PRKCE: variants seen among roughly 807,000 people sequenced by gnomAD.
The protein encoded by PRKCE is protein kinase C epsilon.
PRKCE carries 16 observed loss-of-function variants against 85.4 expected under a neutral mutation model. The observed-to-expected ratio is 0.19, with a 90% CI of 0.13 to 0.28. The LOEUF (loss-of-function observed/expected upper bound fraction) is 0.28. Among genes scored for constraint, PRKCE ranks in the 10% least tolerant of loss-of-function variants. The pLI is 1.00. For synonymous variants in PRKCE, 388 were observed against 371.5 expected (o/e 1.04, Z -0.51); for missense variants, 573 against 975.2 (o/e 0.59, Z 5.49).
At chr2:46,016,725 T>C (rs1706185097) in intron 10 of PRKCE, among the ~76,000 whole-genome samples, 1 of 151,906 alleles carries the variant, frequency 6.6e-6, no homozygotes, top group South Asian at 2.1e-4. Context: ...CCTGACCAAT[T>C]TGATGATACC....
At chr2:45,785,933 G>A (rs1419104041) in intron 1 of PRKCE, among the ~76,000 whole-genome samples, 1 of 152,182 alleles carries the variant, frequency 6.6e-6, no homozygotes, top group Non-Finnish European at 1.5e-5. Flanking sequence ...ATGGCTCGTT[G>A]CCTTGAAACC....
chr2:45,786,210 C>T lies in PRKCE; in HGVS notation c.349-56790C>T, dbSNP rs1441036347. ...TATTTATCCCCCGTGCTGCTTCTTG[C>T]TCTCCGGTTTCCAGGGAGTGCTGGG... On this transcript the variant is annotated intron_variant, in intron 1 of 14. Coordinates refer to ENST00000306156, the MANE Select transcript of PRKCE (RefSeq NM_005400.3). The surrounding 1 kb of genome is among the most constrained non-coding windows in gnomAD (Gnocchi z 5.3). 6.6e-6 allele frequency among the ~76,000 whole-genome samples: 1 copy of T among 152,198 alleles called. No homozygotes were observed. The highest frequency in any genetic ancestry group is 2.4e-5 in the African/African-American group (1 of 41,452).
intron 2 of PRKCE, among the ~76,000 whole-genome samples, chr2:45,858,053 A>G (rs1015009189): frequency 6.6e-6 from 1 of 152,162 alleles, no homozygotes; most frequent in Non-Finnish European, 1.5e-5. Context: ...AAGGGATGAA[A>G]ATCAAGAACT....
At chr2:45,923,116 G>A (rs760500113) in intron 2 of PRKCE, among the ~76,000 whole-genome samples, 14 of 152,188 alleles carry the variant, frequency 9.2e-5, no homozygotes, top group Non-Finnish European at 1.6e-4. Context: ...TTTCCTTGGC[G>A]TGACTGTGTA....
intron 2 of PRKCE, among the ~76,000 whole-genome samples, chr2:45,845,041 G>A (rs1418349220): frequency 6.6e-6 from 1 of 150,456 alleles, no homozygotes; most frequent in African/African-American, 2.4e-5. Context: ...TTGCTCTGAA[G>A]AAAAGAAGAC....
intron 1 of PRKCE, among the ~76,000 whole-genome samples, chr2:45,835,393 G>C (rs553673855): frequency 6.6e-6 from 1 of 152,084 alleles, no homozygotes; most frequent in Non-Finnish European, 1.5e-5. Flanking sequence ...GAAAACTCCC[G>C]TCACCCAGGA....
chr2:45,698,717 C>T (rs1678361637), intron 1 of PRKCE, among the ~76,000 whole-genome samples: 1 of 152,070 alleles, frequency 6.6e-6, no homozygotes, highest in Non-Finnish European at 1.5e-5. Context: ...TTGCAAATGC[C>T]ATGTATCCTA....
chr2:46,003,276 G>A (rs1366726490), intron 7 of PRKCE, among the ~76,000 whole-genome samples: 1 of 152,214 alleles, frequency 6.6e-6, no homozygotes, highest in Non-Finnish European at 1.5e-5. Flanking sequence ...CCATCATCCA[G>A]AAAGGATGTG....
intron 1 of PRKCE, among the ~76,000 whole-genome samples, chr2:45,691,182 C>A (rs1029652192): frequency 6.6e-6 from 1 of 152,116 alleles, no homozygotes; most frequent in Non-Finnish European, 1.5e-5. Context: ...GTGGGCTGGG[C>A]GGTTCTCCAT....
At chr2:45,691,680 A>G (rs1376717962) in intron 1 of PRKCE, among the ~76,000 whole-genome samples, 1 of 151,944 alleles carries the variant, frequency 6.6e-6, no homozygotes, top group Non-Finnish European at 1.5e-5. Context: ...TTCCCTCCCC[A>G]CGCCCCCTTT....
At chr2:45,970,206 C>A (rs936755422) in intron 2 of PRKCE, among the ~76,000 whole-genome samples, 1 of 151,992 alleles carries the variant, frequency 6.6e-6, no homozygotes, top group Non-Finnish European at 1.5e-5. Flanking sequence ...AGTAGACTTG[C>A]CAATAATGGA....
intron 1 of PRKCE, among the ~76,000 whole-genome samples, chr2:45,653,395 T>TTTC (rs1675232174): frequency 7.4e-6 from 1 of 134,992 alleles, no homozygotes; most frequent in African/African-American, 3.0e-5. Context: ...TTTTTTTTTT[T>TTTC]CTCTCTTCTT....
intron 11 of PRKCE, among the ~76,000 whole-genome samples, chr2:46,140,090 GA>G (rs964573209): frequency 1.3e-5 from 2 of 152,134 alleles, no homozygotes; most frequent in African/African-American, 4.8e-5. Context: ...TATTGGATAA[GA>G]AGGGAAGACT....
At chr2:45,723,984 C>G (rs543838261) in intron 1 of PRKCE, among the ~76,000 whole-genome samples, 9 of 152,312 alleles carry the variant, frequency 5.9e-5, no homozygotes, top group Non-Finnish European at 1.2e-4. Flanking sequence ...GCTTTCAGCT[C>G]TCATTTTGAG....
intron 2 of PRKCE, among the ~76,000 whole-genome samples, chr2:45,950,721 C>T (rs964691655): frequency 7.2e-5 from 11 of 152,062 alleles, no homozygotes; most frequent in Non-Finnish European, 1.3e-4. Flanking sequence ...TATCAAGGGG[C>T]GGGGTGCAGA....
chr2:45,704,542 A>G (rs1678946915), intron 1 of PRKCE, among the ~76,000 whole-genome samples: 1 of 152,218 alleles, frequency 6.6e-6, no homozygotes, highest in African/African-American at 2.4e-5. Flanking sequence ...AAGTGTCATG[A>G]CATGGCCTTT....
intron 2 of PRKCE, among the ~76,000 whole-genome samples, chr2:45,870,433 CT>C (rs1693999783): frequency 6.6e-6 from 1 of 152,212 alleles, no homozygotes; most frequent in Non-Finnish European, 1.5e-5. Context: ...GGGAGAACCT[CT>C]TTATACTCAG....
chr2:45,858,150 T>C (rs1031214635), intron 2 of PRKCE, among the ~76,000 whole-genome samples: 3 of 152,232 alleles, frequency 2.0e-5, no homozygotes, highest in African/African-American at 4.8e-5. Context: ...TAATTACAGA[T>C]GTTGCTCAGG....
intron 10 of PRKCE, among the ~76,000 whole-genome samples, chr2:46,055,586 T>C (rs1304109917): frequency 6.6e-6 from 1 of 152,248 alleles, no homozygotes; most frequent in Non-Finnish European, 1.5e-5. Flanking sequence ...ATTCTTCTTT[T>C]TGAGCCACCA....
Sources: gnomAD v4.1 joint callset for allele counts (sites outside exome capture counted in the v4.1 genomes callset) on GRCh38, gnomAD v4.1.1 for gene constraint, Gnocchi (gnomAD v3.1) non-coding constraint, MANE v1.5 for transcripts, NCBI Gene and HGNC (gene_info 2026-07-23, HGNC 2026-07-21) for gene names.